DENND1A: variants seen among roughly 807,000 people sequenced by gnomAD.
DENND1A encodes the protein DENN domain containing 1A, also known as DENN domain-containing protein 1A.
DENND1A carries 51 observed loss-of-function variants against 113.7 expected under a neutral mutation model. The observed-to-expected ratio is 0.45, with a 90% CI of 0.36 to 0.57. DENND1A has a LOEUF of 0.57. DENND1A is among the 20% of genes least tolerant of loss of function. DENND1A has a pLI of 0.00. For synonymous variants in DENND1A, 565 were observed against 570.8 expected (o/e 0.99, Z 0.14); for missense variants, 1,258 against 1,395.9 (o/e 0.90, Z 1.57).
intron 5 of DENND1A, among the ~76,000 whole-genome samples, chr9:123,717,538 A>C (rs2067056944): frequency 6.6e-6 from 1 of 152,234 alleles, no homozygotes; most frequent in South Asian, 2.1e-4. Flanking sequence ...GTTTTCTTCC[A>C]CTAAGAGAAA....
chr9:123,725,606 G>A (rs914948404), intron 5 of DENND1A, among the ~76,000 whole-genome samples: 1 of 152,260 alleles, frequency 6.6e-6, no homozygotes, highest in South Asian at 2.1e-4. Context: ...GGCAGGCTTT[G>A]CTTAGCTGCA....
intron 4 of DENND1A, among the ~76,000 whole-genome samples, chr9:123,762,787 C>G (rs532688438): frequency 6.6e-6 from 1 of 152,310 alleles, no homozygotes; most frequent in South Asian, 2.1e-4. Flanking sequence ...AAAGGCCCTA[C>G]TGAGATAATG....
At chr9:123,698,490 C>T (rs2065665974) in intron 5 of DENND1A, among the ~76,000 whole-genome samples, 1 of 152,172 alleles carries the variant, frequency 6.6e-6, no homozygotes, top group Admixed American at 6.5e-5. Flanking sequence ...TACTTGGAGA[C>T]AAAGCTCTAA....
At chr9:123,613,838 A>G (rs2060522705) in intron 10 of DENND1A, among the ~76,000 whole-genome samples, 1 of 152,224 alleles carries the variant, frequency 6.6e-6, no homozygotes, top group African/African-American at 2.4e-5. Flanking sequence ...AGAATGGGGT[A>G]TATCTGTATG....
chr9:123,789,412 G>T (rs554421407), intron 3 of DENND1A, among the ~76,000 whole-genome samples: 1 of 152,086 alleles, frequency 6.6e-6, no homozygotes. Flanking sequence ...AATAATGAGG[G>T]GAAAACATTT....
intron 18 of DENND1A, among the ~76,000 whole-genome samples, chr9:123,442,941 AC>A (rs2047036133): frequency 6.6e-6 from 1 of 152,110 alleles, no homozygotes; most frequent in Non-Finnish European, 1.5e-5. Context: ...TGCAAATTGA[AC>A]CTCAATTTGC....
rs147891366 is a variant in DENND1A at position 123,868,378 on chromosome 9, A to G, written c.88+10573T>C. ...TTTGATAACAGTTGCTGAGTAGCAG[A>G]GTTCCACACAGATATAAACTCTTGC... On this transcript the variant is annotated intron_variant, in intron 2 of 23. Transcript: ENST00000394215. Among the ~76,000 whole-genome samples the G allele has an allele frequency of 4.9e-3, 747 of 152,336 alleles. 3 individuals are homozygous for G. The highest frequency in any genetic ancestry group is 0.018 in the African/African-American group (730 of 41,580).
intron 4 of DENND1A, among the ~76,000 whole-genome samples, chr9:123,760,445 C>A (rs1187079621): frequency 6.6e-6 from 1 of 152,122 alleles, no homozygotes; most frequent in African/African-American, 2.4e-5. Flanking sequence ...GAAAATAATT[C>A]AGAAAGAAAA....
intron 5 of DENND1A, among the ~76,000 whole-genome samples, chr9:123,696,020 CT>C (rs528468205): frequency 5.1e-4 from 77 of 150,588 alleles, no homozygotes; most frequent in African/African-American, 1.7e-3. Flanking sequence ...AAACTGGCAC[CT>C]TTGTCTGGGT....
intron 5 of DENND1A, among the ~76,000 whole-genome samples, chr9:123,727,975 A>G (rs1195364059): frequency 1.3e-5 from 2 of 151,932 alleles, no homozygotes; most frequent in African/African-American, 4.8e-5. Flanking sequence ...GCATTGTGGC[A>G]GGCTCCTGTA....
intron 6 of DENND1A, among the ~76,000 whole-genome samples, chr9:123,672,100 A>G (rs1020402426): frequency 6.6e-6 from 1 of 152,208 alleles, no homozygotes; most frequent in African/African-American, 2.4e-5. Context: ...CACTTCAACA[A>G]TGTGAAAACT....
chr9:123,900,195 G>T (rs1432806276), intron 1 of DENND1A, among the ~76,000 whole-genome samples: 3 of 152,168 alleles, frequency 2.0e-5, no homozygotes, highest in Non-Finnish European at 4.4e-5. Flanking sequence ...TATAAATCCT[G>T]GGAGTTAAAC....
At chr9:123,629,000 T>C (rs80130351) in intron 10 of DENND1A, among the ~76,000 whole-genome samples, 8,629 of 152,334 alleles carry the variant, frequency 0.057, 272 homozygotes, top group African/African-American at 0.07. Context: ...CCCTGAGTTA[T>C]GTCCTTGTTA....
intron 23 of DENND1A, among the ~76,000 whole-genome samples, chr9:123,383,413 C>T (rs1207772306): frequency 2.6e-5 from 4 of 152,188 alleles, no homozygotes; most frequent in African/African-American, 9.7e-5. Context: ...CCGTCTGATG[C>T]ACACACAGAG....
At position 123,495,141 on chromosome 9, in the gene DENND1A, T is replaced by TTCTCTC. The variant is rs56390148; in HGVS notation, c.994-37250_994-37245dup. ...TCTATTATGACCCATCATTGTCTCT[T>TTCTCTC]TCTCTCTCTCTCTCTCTCTCTCTCT... is the stretch of plus-strand genomic sequence containing the variant. On this transcript the variant is annotated intron_variant, in intron 13 of 23. Transcript: ENST00000394215. Among the ~76,000 whole-genome samples, 336 of 140,622 alleles carry TTCTCTC rather than the reference T, an allele frequency of 2.4e-3. 5 individuals are homozygous for TTCTCTC. The highest frequency in any genetic ancestry group is 0.018 in the East Asian group (89 of 4,884). 92.3% of individuals were successfully genotyped at this position (140,622 alleles called of 152,430 possible). A position where few individuals can be genotyped will look rare whatever the true frequency, so the allele number is the denominator to read the frequency against.
intron 13 of DENND1A, among the ~76,000 whole-genome samples, chr9:123,507,236 C>T (rs145677479): frequency 2.6e-4 from 39 of 152,248 alleles, no homozygotes; most frequent in African/African-American, 7.2e-4. Flanking sequence ...TATTTTTACA[C>T]GGGTAACTGT....
intron 3 of DENND1A, among the ~76,000 whole-genome samples, chr9:123,774,114 A>G (rs1830130096): frequency 6.6e-6 from 1 of 152,180 alleles, no homozygotes; most frequent in African/African-American, 2.4e-5. Flanking sequence ...TGAAAAGATC[A>G]GTGGAGCTCA....
chr9:123,553,440 C>A (rs2057243388), intron 13 of DENND1A, among the ~76,000 whole-genome samples: 1 of 151,586 alleles, frequency 6.6e-6, no homozygotes, highest in African/African-American at 2.4e-5. Flanking sequence ...TTCTGATCCG[C>A]GGCCAGGGTT....
intron 5 of DENND1A, among the ~76,000 whole-genome samples, chr9:123,733,198 C>T (rs1589852646): frequency 6.6e-6 from 1 of 152,098 alleles, no homozygotes; most frequent in East Asian, 1.9e-4. Context: ...TCAGGCGGGT[C>T]TCAAACTCCC....
Sources: gnomAD v4.1 joint callset for allele counts (sites outside exome capture counted in the v4.1 genomes callset) on GRCh38, gnomAD v4.1.1 for gene constraint, MANE v1.5 for transcripts, NCBI Gene and HGNC (gene_info 2026-07-23, HGNC 2026-07-21) for gene names.